C10orf67: variants seen among roughly 807,000 people sequenced by gnomAD.
C10orf67 encodes uncharacterized protein C10orf67, mitochondrial.
C10orf67 carries 60 observed loss-of-function variants against 35.6 expected under a neutral mutation model. The observed-to-expected ratio is 1.68, with a 90% CI of 1.37 to 2.09. The LOEUF (loss-of-function observed/expected upper bound fraction) is 2.09. C10orf67 is among the 30% of genes most tolerant of loss of function. C10orf67 has a pLI of 0.00. For synonymous variants in C10orf67, 167 were observed against 115.8 expected, an observed-to-expected ratio of 1.44 and a Z score of -2.84; for missense variants, 474 against 330.2, an observed-to-expected ratio of 1.44 and a Z score of -3.38.
intron 12 of C10orf67, among the ~76,000 whole-genome samples, chr10:23,249,794 A>G (rs1177002446): frequency 1.3e-5 from 2 of 152,190 alleles, no homozygotes; most frequent in Non-Finnish European, 2.9e-5. Flanking sequence ...GTGAAAGAAT[A>G]TTGCAAAAGA....
At chr10:23,209,998 T>TA (rs59247961) in intron 15 of C10orf67, among the ~76,000 whole-genome samples, 2,187 of 67,048 alleles carry the variant, frequency 0.033, 124 homozygotes, top group African/African-American at 0.11. Context: ...AGACCTTGGC[T>TA]AAAAAAAAAA....
In C10orf67 at chr10:23,243,688, CAA is replaced by C. The variant is rs1217352444; in HGVS notation, c.1347-3874_1347-3873del. On this transcript the variant is annotated intron_variant, in intron 12 of 15. Coordinates refer to ENST00000636213, the MANE Select transcript of C10orf67 (RefSeq NM_001371909.1). ...GGCAACAAGAGCAAAATCTCTGGCT[CAA>C]AAAAAAAAAAAAAAATTCATTCTTT... is the stretch of plus-strand genomic sequence containing the variant. 9.4e-3 allele frequency among the ~76,000 whole-genome samples: 759 copies of C among 80,494 alleles called. 16 individuals are homozygous for C. The highest frequency in any genetic ancestry group is 0.084 in the East Asian group (246 of 2,928). The allele number at this position is 80,494 out of a possible 152,430, so 52.8% of individuals were successfully genotyped here.
Position 23,320,877 on chromosome 10 carries a change from C to T in C10orf67, c.472-62G>A. Reference sequence around the variant, plus strand: ...TATTTCCAAATATGACCCACACCTACTAGGGAGGGACTCATAGTAAAAAAA... The same window carrying T: ...TATTTCCAAATATGACCCACACCTATTAGGGAGGGACTCATAGTAAAAAAA... On this transcript the variant is annotated intron_variant, in intron 3 of 15. Transcript: ENST00000636213. The T allele has an allele frequency of 7.3e-6, 8 of 1,100,194 alleles. No homozygotes were observed. The Admixed American group carries it at 8.6e-5, about 12-fold the overall frequency. The allele number at this position is 1,100,194 out of a possible 1,614,324, so 68.2% of individuals were successfully genotyped here.
At position 23,292,725 on chromosome 10, in the gene C10orf67, ATG is replaced by A. The variant is rs35181915; in HGVS notation, c.703-1448_703-1447del. On this transcript the variant is annotated intron_variant, in intron 5 of 15. Coordinates refer to ENST00000636213, the MANE Select transcript of C10orf67 (RefSeq NM_001371909.1). ...TAATGAAATTACGTATGGTATATATATGTGTGTGTGTGTGTGTGTAAGAGTTA... is the reference window on the plus strand; with the variant it reads ...TAATGAAATTACGTATGGTATATATATGTGTGTGTGTGTGTGTAAGAGTTA... Among the ~76,000 whole-genome samples, 507 of 151,198 alleles carry A rather than the reference ATG, an allele frequency of 3.4e-3. 14 individuals carry two copies. In the East Asian group the frequency reaches 0.05, roughly 15 times the overall value.
At chr10:23,295,308 C>T (rs969136120) in intron 5 of C10orf67, among the ~76,000 whole-genome samples, 2 of 152,202 alleles carry the variant, frequency 1.3e-5, no homozygotes, top group Non-Finnish European at 2.9e-5. Context: ...AGCCACAGCC[C>T]ATCCTCACGC....
chr10:23,236,818 AGT>A (rs1842064140), intron 13 of C10orf67, among the ~76,000 whole-genome samples: 1 of 152,196 alleles, frequency 6.6e-6, no homozygotes, highest in African/African-American at 2.4e-5. Flanking sequence ...TGGAGGTTGC[AGT>A]GAGCCAAGAT....
In C10orf67 at chr10:23,239,810, A is replaced by C. The variant is rs1289038429; in HGVS notation, c.1353T>G (p.His451Gln). The change falls in exon 13 of 16, where the codon CAT (histidine) becomes CAG (glutamine). Residue 451 changes from histidine to glutamine, a missense_variant. Transcript: ENST00000636213. The stretch of plus-strand genomic sequence containing the variant: ...TTGTAAACATCTCATTCTTAAGGAC[A>C]TGAAAGCTGAAATTTTAAAAATGAT... ...KRFFILRNSF[H>Q]VLKNEMFTRH... 1.6e-6 allele frequency: 1 copy of C among 614,718 alleles called. No individual in the cohort carries two copies. The highest frequency in any genetic ancestry group is 2.0e-5 in the Admixed American group (1 of 48,844). 38.1% of individuals were successfully genotyped at this position (614,718 alleles called of 1,614,324 possible). A position where few individuals can be genotyped will look rare whatever the true frequency, so the allele number is the denominator to read the frequency against.
At chr10:23,298,847 T>C (rs146447676) in intron 5 of C10orf67, among the ~76,000 whole-genome samples, 155 of 152,266 alleles carry the variant, frequency 1.0e-3, no homozygotes, top group Non-Finnish European at 1.9e-3. Context: ...TAAAAGTAAA[T>C]CATCCATGTA....
chr10:23,279,744 C>G (rs1843311099), intron 8 of C10orf67, among the ~76,000 whole-genome samples: 1 of 151,872 alleles, frequency 6.6e-6, no homozygotes, highest in Non-Finnish European at 1.5e-5. Flanking sequence ...CCTCAAAAGC[C>G]ATTCTAAGGA....
intron 5 of C10orf67, among the ~76,000 whole-genome samples, chr10:23,299,320 A>G (rs1201035934): frequency 1.3e-5 from 2 of 152,084 alleles, no homozygotes; most frequent in Non-Finnish European, 2.9e-5. Context: ...CTAAGGGGGT[A>G]CTGCCTTTGG....
chr10:23,331,215 GGGA>G (rs1845451195), intron 2 of C10orf67, among the ~76,000 whole-genome samples: 3 of 5,134 alleles, frequency 5.8e-4, no homozygotes, highest in Non-Finnish European at 1.0e-3. Context: ...GAAGAGGGAA[GGGA>G]AGGGAAGGGA....
intron 4 of C10orf67, among the ~76,000 whole-genome samples, chr10:23,307,862 G>A (rs560966186): frequency 1.1e-4 from 16 of 152,098 alleles, no homozygotes; most frequent in South Asian, 1.0e-3. Context: ...CAAGGGATCC[G>A]CCTGCCTCAG....
At chr10:23,206,049 C>A (rs1841152193) in intron 15 of C10orf67, among the ~76,000 whole-genome samples, 1 of 152,172 alleles carries the variant, frequency 6.6e-6, no homozygotes, top group South Asian at 2.1e-4. Context: ...TTATACTGAT[C>A]AAATGAATGC....
rs1222062843 is a variant in C10orf67 at position 23,319,154 on chromosome 10, C to CCCACCCT, written c.546+1580_546+1586dup. On this transcript the variant is annotated intron_variant, in intron 4 of 15. Coordinates refer to ENST00000636213, the MANE Select transcript of C10orf67 (RefSeq NM_001371909.1). ...GTAGTTTTTTGATCTTCACCCTCCT[C>CCCACCCT]CCACCCTCCACCCTCAAGTAGGCCC... 7.9e-4 allele frequency among the ~76,000 whole-genome samples: 120 copies of CCCACCCT among 152,220 alleles called. 2 individuals are homozygous for CCCACCCT. Among genetic ancestry groups the CCCACCCT allele is most frequent in the Admixed American group, 3.1e-3 (48 of 15,282 alleles).
intron 1 of C10orf67, among the ~76,000 whole-genome samples, chr10:23,342,727 G>C (rs546537237): frequency 1.3e-5 from 2 of 152,310 alleles, no homozygotes; most frequent in East Asian, 3.9e-4. Flanking sequence ...ACTAGACCAG[G>C]TCCCGTGCAC....
At chr10:23,313,699 A>T (rs1367931816) in intron 4 of C10orf67, among the ~76,000 whole-genome samples, 2 of 152,226 alleles carry the variant, frequency 1.3e-5, no homozygotes, top group Non-Finnish European at 2.9e-5. Context: ...AGGAGAGCTG[A>T]GGGAAGCAGG....
intron 8 of C10orf67, among the ~76,000 whole-genome samples, chr10:23,271,359 A>G (rs1345632336): frequency 6.6e-6 from 1 of 152,234 alleles, no homozygotes; most frequent in Non-Finnish European, 1.5e-5. Flanking sequence ...TTGCTCTTAC[A>G]AACAAAGCTG....
chr10:23,253,197 G>A (rs1160007112), intron 10 of C10orf67, among the ~76,000 whole-genome samples: 6 of 152,176 alleles, frequency 3.9e-5, no homozygotes, highest in Non-Finnish European at 7.3e-5. Context: ...TATAGCAACT[G>A]AGACAGGGCC....
chr10:23,241,741 A>G (rs1220748387), intron 12 of C10orf67, among the ~76,000 whole-genome samples: 1 of 152,190 alleles, frequency 6.6e-6, no homozygotes, highest in Non-Finnish European at 1.5e-5. Context: ...ACATGGAAAG[A>G]TAATAGCTAA....
Sources: gnomAD v4.1 joint callset for allele counts (sites outside exome capture counted in the v4.1 genomes callset) on GRCh38, gnomAD v4.1.1 for gene constraint, MANE v1.5 for transcripts, NCBI Gene and HGNC (gene_info 2026-07-23, HGNC 2026-07-21) for gene names.